Variants in PACSIN2 observed in about 807,000 individuals in gnomAD.
PACSIN2 encodes protein kinase C and casein kinase substrate in neurons protein 2.
A neutral mutation model predicts 63.8 loss-of-function variants in PACSIN2; 25 were observed. That is an observed-to-expected ratio of 0.39 (90% confidence interval 0.29 to 0.55). The LOEUF (loss-of-function observed/expected upper bound fraction) is 0.55, where lower values mean the gene tolerates loss of function less well. Ranked by LOEUF, PACSIN2 falls within the 20% of genes least tolerant of loss-of-function variation. The pLI is 0.62. For missense variants in PACSIN2, 518 were observed against 646.9 expected (o/e 0.80, Z 2.16); for synonymous variants, 255 against 256.2 (o/e 1.00, Z 0.05).
At chr22:42,961,844 CTA>C (rs981065273) in intron 1 of PACSIN2, among the ~76,000 whole-genome samples, 2 of 152,176 alleles carry the variant, frequency 1.3e-5, no homozygotes, top group African/African-American at 4.8e-5. Flanking sequence ...ACATGAGACT[CTA>C]TTACTTGACA....
At chr22:42,931,145 C>T (rs1016064343) in intron 1 of PACSIN2, among the ~76,000 whole-genome samples, 1 of 152,258 alleles carries the variant, frequency 6.6e-6, no homozygotes, top group African/African-American at 2.4e-5. Context: ...ACCTAACTCA[C>T]ACCTGCCTTG....
At chr22:42,981,692 T>C (rs1442691067) in intron 1 of PACSIN2, among the ~76,000 whole-genome samples, 1 of 68,570 alleles carries the variant, frequency 1.5e-5, no homozygotes, top group African/African-American at 6.1e-5. Context: ...GTCCGGGAGG[T>C]GAGGGGCTCC....
intron 2 of PACSIN2, among the ~76,000 whole-genome samples, chr22:42,901,708 C>T (rs1930700636): frequency 6.6e-6 from 1 of 152,210 alleles, no homozygotes; most frequent in East Asian, 1.9e-4. Flanking sequence ...CTTGCTAAGC[C>T]ATTTCTTCAC....
At chr22:42,955,661 C>T (rs970679072) in intron 1 of PACSIN2, among the ~76,000 whole-genome samples, 1 of 152,188 alleles carries the variant, frequency 6.6e-6, no homozygotes, top group Non-Finnish European at 1.5e-5. Flanking sequence ...AAAGATTTAT[C>T]CACCAAAAGT....
chr22:42,964,031 T>C (rs939162898), intron 1 of PACSIN2, among the ~76,000 whole-genome samples: 3 of 152,186 alleles, frequency 2.0e-5, no homozygotes, highest in African/African-American at 4.8e-5. Flanking sequence ...GGTAGGACAT[T>C]TTCATTACCT....
chr22:42,878,826 C>G (rs1010908370), intron 8 of PACSIN2, among the ~76,000 whole-genome samples: 1 of 152,224 alleles, frequency 6.6e-6, no homozygotes, highest in Non-Finnish European at 1.5e-5. Context: ...GCTCTGGCAC[C>G]AGGCAGGAAG....
At chr22:42,922,875 G>A (rs1437296105) in intron 1 of PACSIN2, among the ~76,000 whole-genome samples, 1 of 152,198 alleles carries the variant, frequency 6.6e-6, no homozygotes, top group Non-Finnish European at 1.5e-5. Context: ...AAAAGCACCA[G>A]GACACAGAGA....
At chr22:42,968,803 C>G (rs1003458188) in intron 1 of PACSIN2, among the ~76,000 whole-genome samples, 1 of 152,226 alleles carries the variant, frequency 6.6e-6, no homozygotes, top group Non-Finnish European at 1.5e-5. Context: ...CACGGAACCC[C>G]AAGCTTGCCA....
chr22:42,901,287 G>A (rs2146694945), intron 2 of PACSIN2, among the ~76,000 whole-genome samples: 1 of 152,276 alleles, frequency 6.6e-6, no homozygotes, highest in South Asian at 2.1e-4. Context: ...ATCCAAAGCT[G>A]ACCAAATATG....
chr22:43,005,179 C>G (rs905812624), intron 1 of PACSIN2, among the ~76,000 whole-genome samples: 1 of 152,210 alleles, frequency 6.6e-6, no homozygotes, highest in African/African-American at 2.4e-5. Context: ...GTGAGCAGTG[C>G]TCACACCTTT....
chr22:42,943,272 T>C (rs1933257245), intron 1 of PACSIN2, among the ~76,000 whole-genome samples: 1 of 152,230 alleles, frequency 6.6e-6, no homozygotes, highest in Non-Finnish European at 1.5e-5. Context: ...TGTATATTAA[T>C]TCTAAGAGTT....
intron 1 of PACSIN2, among the ~76,000 whole-genome samples, chr22:42,943,021 A>G (rs1164591861): frequency 1.3e-5 from 2 of 152,216 alleles, no homozygotes; most frequent in African/African-American, 4.8e-5. Context: ...CTTCCAGTCC[A>G]TGGATGTAGG....
intron 1 of PACSIN2, among the ~76,000 whole-genome samples, chr22:42,936,116 A>T (rs576087605): frequency 6.6e-6 from 1 of 151,940 alleles, no homozygotes; most frequent in Admixed American, 6.6e-5. Flanking sequence ...CTCAGGAGGC[A>T]GAGGCAGGAG....
chr22:42,931,591 C>T (rs1003795198), intron 1 of PACSIN2, among the ~76,000 whole-genome samples: 3 of 152,206 alleles, frequency 2.0e-5, no homozygotes, highest in Non-Finnish European at 4.4e-5. Context: ...GAAACAGGAA[C>T]AGCGAGGAAG....
At chr22:43,011,917 C>G (rs1924513307) in intron 1 of PACSIN2, among the ~76,000 whole-genome samples, 1 of 151,696 alleles carries the variant, frequency 6.6e-6, no homozygotes, top group Non-Finnish European at 1.5e-5. Context: ...GAGGCCAAGG[C>G]AGGTGGATCA....
intron 1 of PACSIN2, among the ~76,000 whole-genome samples, chr22:43,004,000 G>C (rs2284097): frequency 0.66 from 101,128 of 152,126 alleles, 35,490 homozygotes; most frequent in African/African-American, 0.88. Flanking sequence ...AGACATAGAT[G>C]CCGTCTTAAG....
At chr22:42,893,754 G>C (rs927155109) in intron 2 of PACSIN2, 141 bp from the exon 3 acceptor site, 1 of 734,118 alleles carries the variant, frequency 1.4e-6, no homozygotes, top group African/African-American at 1.8e-5. Flanking sequence ...AGTTTGAAAG[G>C]CACTCCGTGT....
At chr22:43,004,244 G>A (rs182705580) in intron 1 of PACSIN2, among the ~76,000 whole-genome samples, 3 of 152,152 alleles carry the variant, frequency 2.0e-5, no homozygotes, top group Non-Finnish European at 4.4e-5. Flanking sequence ...ATCAAGTGGA[G>A]AGAACACTAT....
rs1601507355 is a variant in PACSIN2, at chr22:42,911,963, C to T, written c.60+58G>A. The T allele has an allele frequency of 3.8e-6, 5 of 1,305,978 alleles. No homozygotes were observed. The South Asian group carries it at 5.1e-5, about 13-fold the overall frequency. The allele number at this position is 1,305,978 out of a possible 1,614,324, so 80.9% of individuals were successfully genotyped here. A position where few individuals can be genotyped will look rare whatever the true frequency, so the allele number is the denominator to read the frequency against. On this transcript the variant is annotated intron_variant, in intron 2 of 10. Coordinates refer to ENST00000263246, the MANE Select transcript of PACSIN2 (RefSeq NM_001184970.3). ...AACCTCCACCAAAAAAACCAAAGGG[C>T]CTGCCAGACACTATTGGCCTGGCCA...
Sources: gnomAD v4.1 joint callset for allele counts (sites outside exome capture counted in the v4.1 genomes callset) on GRCh38, gnomAD v4.1.1 for gene constraint, MANE v1.5 for transcripts, NCBI Gene and HGNC (gene_info 2026-07-23, HGNC 2026-07-21) for gene names.